PTPRQ: variants seen among roughly 807,000 people sequenced by gnomAD.
PTPRQ encodes phosphatidylinositol phosphatase PTPRQ.
In PTPRQ, 199 loss-of-function variants were observed where a neutral mutation model predicts 246.0. That is an observed-to-expected ratio of 0.81 (90% CI 0.72 to 0.91). The LOEUF is 0.91. PTPRQ is among the 40% of genes least tolerant of loss of function. The pLI is 0.00. For missense variants in PTPRQ, 2,624 were observed against 2,528.4 expected (o/e 1.04, Z -0.81); for synonymous variants, 869 against 853.2 (o/e 1.02, Z -0.32).
intron 9 of PTPRQ, among the ~76,000 whole-genome samples, chr12:80,492,220 A>T (rs996503274): frequency 6.6e-6 from 1 of 151,964 alleles, no homozygotes; most frequent in African/African-American, 2.4e-5. Flanking sequence ...CAGACTTAAC[A>T]TCATTTTGTT....
chr12:80,467,942 G>T (rs531080732), intron 6 of PTPRQ, among the ~76,000 whole-genome samples: 2 of 152,192 alleles, frequency 1.3e-5, no homozygotes, highest in South Asian at 2.1e-4. Flanking sequence ...AACCAACATG[G>T]CACATGTATA....
chr12:80,622,884 A>T (rs904311653), intron 33 of PTPRQ, among the ~76,000 whole-genome samples: 2 of 151,984 alleles, frequency 1.3e-5, no homozygotes, highest in African/African-American at 4.8e-5. Context: ...GTAAATTTTT[A>T]AAGTTTAATA....
rs370035640 is a variant in PTPRQ at position 80,511,877 on chromosome 12, G to T, written c.2678+1434G>T. Among the ~76,000 whole-genome samples the T allele has an allele frequency of 1.9e-4, 29 of 152,126 alleles. 2 individuals are homozygous for T. The highest frequency in any genetic ancestry group is 1.3e-3 in the Admixed American group (20 of 15,270). On this transcript the variant is annotated intron_variant, in intron 17 of 44. Coordinates refer to ENST00000644991, the MANE Select transcript of PTPRQ (RefSeq NM_001145026.2). ...GGAGTCAAGCCATGGTAAGGATTTT[G>T]TTTTCATTTTAACTATAAAGGGAGT... is the stretch of plus-strand genomic sequence containing the variant.
intron 17 of PTPRQ, among the ~76,000 whole-genome samples, chr12:80,522,681 G>A (rs575196239): frequency 1.3e-5 from 2 of 152,268 alleles, no homozygotes; most frequent in South Asian, 2.1e-4. Flanking sequence ...ATTTGCATAT[G>A]TGGAGCCAGC....
At chr12:80,625,792 C>T (rs1460864609) in intron 33 of PTPRQ, among the ~76,000 whole-genome samples, 1 of 152,034 alleles carries the variant, frequency 6.6e-6, no homozygotes, top group Non-Finnish European at 1.5e-5. Context: ...TATTTGATTT[C>T]GTTTTTACTC....
chr12:80,586,080 A>T (rs535550008), intron 25 of PTPRQ, among the ~76,000 whole-genome samples: 1 of 151,748 alleles, frequency 6.6e-6, no homozygotes, highest in African/African-American at 2.4e-5. Flanking sequence ...TTTTTTATGG[A>T]TGCATAGTAT....
At position 80,620,189 on chromosome 12, in the gene PTPRQ, G is replaced by A. The variant is rs1467952170; in HGVS notation, c.5425G>A (p.Ala1809Thr). 4 of 1,548,466 alleles carry A rather than the reference G, an allele frequency of 2.6e-6. No individual in the cohort carries two copies. Among genetic ancestry groups the A allele is most frequent in the Non-Finnish European group, 3.5e-6 (4 of 1,144,990 alleles). ...TGGAAATGTAACAAAGTGGTATGAT[G>A]CATATTTTAATAAAGCAAGGCCATA... Reference protein sequence around the residue: ...HDGNVTKWYDAYFNKARPYFT... With the variant: ...HDGNVTKWYDTYFNKARPYFT... The change falls in exon 32 of 45, where the codon GCA (alanine) becomes ACA (threonine). Residue 1809 changes from alanine (A) to threonine (T), a missense_variant. By Grantham distance (58) the Ala-to-Thr change is moderately conservative. Transcript: ENST00000644991.
intron 33 of PTPRQ, among the ~76,000 whole-genome samples, chr12:80,625,801 T>C (rs886416037): frequency 6.6e-6 from 1 of 152,286 alleles, no homozygotes; most frequent in East Asian, 1.9e-4. Context: ...TCGTTTTTAC[T>C]CAAGATTGAG....
At chr12:80,597,084 G>T (rs780381716) in intron 26 of PTPRQ, among the ~76,000 whole-genome samples, 1 of 151,970 alleles carries the variant, frequency 6.6e-6, no homozygotes, top group Non-Finnish European at 1.5e-5. Context: ...ATGACATAGA[G>T]AAGCTATCCA....
intron 25 of PTPRQ, among the ~76,000 whole-genome samples, chr12:80,559,297 G>T (rs1018058320): frequency 3.3e-4 from 51 of 152,284 alleles, no homozygotes; most frequent in African/African-American, 1.1e-3. Flanking sequence ...GCCCACCTCG[G>T]CCTCCCAAAG....
intron 23 of PTPRQ, among the ~76,000 whole-genome samples, chr12:80,543,652 A>G (rs1896220526): frequency 6.6e-6 from 1 of 152,166 alleles, no homozygotes; most frequent in Non-Finnish European, 1.5e-5. Flanking sequence ...ATTTATGACT[A>G]TGGTAAATCA....
At chr12:80,582,857 C>CAAAACA (rs544734524) in intron 25 of PTPRQ, among the ~76,000 whole-genome samples, 33 of 151,986 alleles carry the variant, frequency 2.2e-4, no homozygotes, top group South Asian at 1.9e-3. Context: ...CTTGTCAAAA[C>CAAAACA]AAAACAAAAA....
Position 80,605,073 on chromosome 12 carries a change from C to T in PTPRQ, c.4624C>T (p.Pro1542Ser). 3 of 1,541,934 alleles carry T rather than the reference C, an allele frequency of 1.9e-6. No homozygotes were observed. The highest frequency in any genetic ancestry group is 1.8e-6 in the Non-Finnish European group (2 of 1,141,742). ...TATTGTCATAGCTCCAGATGGTCCT[C>T]CTGAAAATGTTCATGTAGTAGCAAC... ...KTLPGPPDGPPENVHVVATSP... is the reference protein window; with the variant it reads ...KTLPGPPDGPSENVHVVATSP... Residue 1542 changes from proline to serine, a missense_variant, in exon 27 of 45, where the codon CCT (proline) becomes TCT (serine). Pro to Ser is a moderately conservative substitution (Grantham distance 74, BLOSUM62 -1). Transcript: ENST00000644991.
At chr12:80,526,624 T>A (rs1214717281) in intron 17 of PTPRQ, among the ~76,000 whole-genome samples, 1 of 152,072 alleles carries the variant, frequency 6.6e-6, no homozygotes, top group African/African-American at 2.4e-5. Context: ...TTAGAGGAAC[T>A]GAAGAACAGA....
rs146644583 is a variant in PTPRQ at position 80,605,450 on chromosome 12, A to T, written c.4731+270A>T. Among the ~76,000 whole-genome samples, 252 of 151,390 alleles carry T rather than the reference A, an allele frequency of 1.7e-3. 4 individuals are homozygous for T. Among genetic ancestry groups the T allele is most frequent in the African/African-American group, 5.6e-3 (234 of 41,432 alleles). ...TATAAGATATTAGTAACATTATTAT[A>T]ATATGTTTTATCAGTGTATAGAATG... is the stretch of plus-strand genomic sequence containing the variant. On this transcript the variant is annotated intron_variant, in intron 27 of 44. Transcript: ENST00000644991.
chr12:80,623,304 G>A (rs1411142331), intron 33 of PTPRQ, among the ~76,000 whole-genome samples: 2 of 152,088 alleles, frequency 1.3e-5, no homozygotes, highest in African/African-American at 4.8e-5. Context: ...AAATAGAGGG[G>A]GCATGTAGTT....
chr12:80,478,748 A>G (rs1263105712), intron 8 of PTPRQ, among the ~76,000 whole-genome samples: 1 of 152,230 alleles, frequency 6.6e-6, no homozygotes, highest in Admixed American at 6.5e-5. Context: ...TCAGGAGCCG[A>G]TGCGATCAAC....
At position 80,650,485 on chromosome 12, in the gene PTPRQ, C is replaced by CTATT. The variant is rs1179028881; in HGVS notation, c.6024+818_6024+821dup. On this transcript the variant is annotated intron_variant, in intron 37 of 44. Coordinates refer to ENST00000644991, the MANE Select transcript of PTPRQ (RefSeq NM_001145026.2). ...CTACATGTCACCAAAAACATTATTT[C>CTATT]TATTTTATTTTTTTCCATGAAATTT... Among the ~76,000 whole-genome samples the CTATT allele has an allele frequency of 2.6e-5, 4 of 151,846 alleles. No homozygotes were observed. The East Asian group carries it at 5.8e-4, about 22-fold the overall frequency.
intron 25 of PTPRQ, among the ~76,000 whole-genome samples, chr12:80,587,727 A>G (rs1897665871): frequency 6.6e-6 from 1 of 152,186 alleles, no homozygotes; most frequent in Non-Finnish European, 1.5e-5. Context: ...TTATTTAGAC[A>G]TTTAAATACA....
Sources: gnomAD v4.1 joint callset for allele counts (sites outside exome capture counted in the v4.1 genomes callset) on GRCh38, gnomAD v4.1.1 for gene constraint, MANE v1.5 for transcripts, NCBI Gene and HGNC (gene_info 2026-07-23, HGNC 2026-07-21) for gene names.